Variants in TM7SF3 observed in about 807,000 individuals in gnomAD.
TM7SF3 encodes the protein seven span transmembrane protein.
In TM7SF3, 60 loss-of-function variants were observed where a neutral mutation model predicts 65.5. That is an observed-to-expected ratio of 0.92 (90% CI 0.74 to 1.14). The LOEUF (loss-of-function observed/expected upper bound fraction) is 1.14. Ranked by LOEUF, TM7SF3 falls within the 50% of genes most tolerant of loss-of-function variation. TM7SF3 has a pLI of 0.00. For missense variants in TM7SF3, 623 were observed against 684.8 expected (o/e 0.91, Z 1.01); for synonymous variants, 264 against 259.6 (o/e 1.02, Z -0.16).
intron 1 of TM7SF3, among the ~76,000 whole-genome samples, chr12:27,004,270 T>C (rs892307931): frequency 6.6e-5 from 10 of 152,120 alleles, no homozygotes; most frequent in Admixed American, 2.0e-4. Flanking sequence ...CGGTCCTGGA[T>C]TCCTACCCCA....
intron 7 of TM7SF3, among the ~76,000 whole-genome samples, chr12:26,982,066 C>T (rs1939841518): frequency 6.6e-6 from 1 of 151,728 alleles, no homozygotes; most frequent in Non-Finnish European, 1.5e-5. Context: ...CAGGATCTTA[C>T]TCTGTCATCC....
intron 2 of TM7SF3, 121 bp downstream of exon 2, chr12:27,003,115 A>G: frequency 1.3e-6 from 1 of 742,440 alleles, no homozygotes; most frequent in Admixed American, 3.2e-5. Flanking sequence ...ATTTTTTAAA[A>G]TTTAAGACAT....
intron 10 of TM7SF3, 80 bp downstream of exon 10, chr12:26,976,180 T>C (rs1021403074): frequency 2.7e-6 from 3 of 1,112,514 alleles, no homozygotes; most frequent in Non-Finnish European, 4.1e-6. Flanking sequence ...GAATAAAACA[T>C]GCAAAATGAT....
At chr12:27,000,502 C>T (rs1392798359) in intron 2 of TM7SF3, among the ~76,000 whole-genome samples, 1 of 152,114 alleles carries the variant, frequency 6.6e-6, no homozygotes, top group African/African-American at 2.4e-5. Flanking sequence ...CTCTGTCACC[C>T]AGGCTAGAGT....
intron 6 of TM7SF3, chr12:26,983,344 T>G: frequency 3.1e-6 from 1 of 323,942 alleles, no homozygotes; most frequent in South Asian, 2.6e-5. Context: ...TCAAACAAAC[T>G]GTGGAAAACA....
chr12:26,998,462 C>A (rs1020424109), intron 3 of TM7SF3, among the ~76,000 whole-genome samples: 2 of 152,178 alleles, frequency 1.3e-5, no homozygotes, highest in Admixed American at 6.5e-5. Flanking sequence ...AAACTGAAGT[C>A]ATCACCTACT....
At chr12:26,997,968 G>A (rs969869182) in intron 3 of TM7SF3, among the ~76,000 whole-genome samples, 3 of 151,730 alleles carry the variant, frequency 2.0e-5, no homozygotes, top group African/African-American at 7.3e-5. Context: ...TGGGATTGTA[G>A]GCACCTGCCA....
chr12:27,009,691 C>T (rs1941174361), intron 1 of TM7SF3, among the ~76,000 whole-genome samples: 1 of 152,148 alleles, frequency 6.6e-6, no homozygotes, highest in South Asian at 2.1e-4. Context: ...AACCACAGCA[C>T]CCGACCCTGC....
At chr12:27,011,375 G>A (rs910118056) in intron 1 of TM7SF3, among the ~76,000 whole-genome samples, 3 of 152,140 alleles carry the variant, frequency 2.0e-5, no homozygotes, top group Admixed American at 6.6e-5. Flanking sequence ...CAGTGAACTG[G>A]GACTCCAAGA....
chr12:26,976,939 C>T (rs1229955341), intron 9 of TM7SF3, among the ~76,000 whole-genome samples: 1 of 152,200 alleles, frequency 6.6e-6, no homozygotes, highest in Non-Finnish European at 1.5e-5. Context: ...TCTTCCCAAA[C>T]CCTTCTCCTG....
chr12:27,002,857 T>C (rs1161352154), intron 2 of TM7SF3, among the ~76,000 whole-genome samples: 2 of 152,216 alleles, frequency 1.3e-5, no homozygotes, highest in Non-Finnish European at 2.9e-5. Flanking sequence ...TTCAATACTA[T>C]AGCTAAACAA....
intron 5 of TM7SF3, among the ~76,000 whole-genome samples, chr12:26,992,390 T>G (rs1039600180): frequency 6.6e-6 from 1 of 152,128 alleles, no homozygotes; most frequent in Non-Finnish European, 1.5e-5. Flanking sequence ...GCCATTCTCC[T>G]GCCTCAGCCT....
At chr12:26,979,761 A>G (rs1939728853) in intron 9 of TM7SF3, 23 bp downstream of exon 9, 1 of 1,612,490 alleles carries the variant, frequency 6.2e-7, no homozygotes. Flanking sequence ...GAACACACAA[A>G]ACATCTGTTA....
intron 2 of TM7SF3, among the ~76,000 whole-genome samples, chr12:27,000,900 C>G (rs530256067): frequency 6.6e-6 from 1 of 152,042 alleles, no homozygotes; most frequent in South Asian, 2.1e-4. Flanking sequence ...TACCATCCCC[C>G]ACTCCCATCT....
intron 1 of TM7SF3, among the ~76,000 whole-genome samples, chr12:27,007,998 A>T (rs1037814205): frequency 1.3e-5 from 2 of 152,160 alleles, no homozygotes; most frequent in Non-Finnish European, 2.9e-5. Context: ...TCTGGTTTAG[A>T]GTTATAAATA....
At chr12:26,996,886 C>T in intron 3 of TM7SF3, 24 bp from the exon 4 acceptor site, 2 of 1,590,240 alleles carry the variant, frequency 1.3e-6, no homozygotes, top group Non-Finnish European at 1.7e-6. Context: ...AGGGAAGTTA[C>T]TAAACAAACA....
At position 26,973,175 on chromosome 12, in the gene TM7SF3, G is replaced by GTT. The variant is rs5797207; in HGVS notation, c.*788_*789dup. 461 of 144,306 alleles carry GTT rather than the reference G, an allele frequency of 3.2e-3. 2 individuals are homozygous for GTT. The highest frequency in any genetic ancestry group is 0.016 in the East Asian group (79 of 5,002). 8.9% of individuals were successfully genotyped at this position (144,306 alleles called of 1,614,324 possible). A position where few individuals can be genotyped will look rare whatever the true frequency, so the allele number is the denominator to read the frequency against. On this transcript the variant is annotated 3_prime_UTR_variant, in exon 12 of 12. Coordinates refer to ENST00000343028, the MANE Select transcript of TM7SF3 (RefSeq NM_016551.3). ...CAGACTGCTTTTAGTAAGAAAATAA[G>GTT]TTTTTTTTTTTTTTAATTTCTCGAG...
intron 6 of TM7SF3, among the ~76,000 whole-genome samples, chr12:26,986,336 G>A (rs760214974): frequency 6.6e-6 from 1 of 152,090 alleles, no homozygotes; most frequent in Non-Finnish European, 1.5e-5. Flanking sequence ...TCTGTCTTCA[G>A]TAAGAATCCC....
At position 26,999,690 on chromosome 12, in the gene TM7SF3, G is replaced by C; in HGVS notation, c.247-14C>G. On this transcript the variant is annotated splice_polypyrimidine_tract_variant and intron_variant, in intron 2 of 11. Transcript: ENST00000343028. ...GGAAAGGAGAGTCTGCAGTCCAGAA[G>C]AAACATTGTCATGAATAGGAAGTCG... 5 of 1,613,558 alleles carry C rather than the reference G, an allele frequency of 3.1e-6. No homozygotes were observed. Among genetic ancestry groups the C allele is most frequent in the Non-Finnish European group, 4.2e-6 (5 of 1,179,748 alleles).
Sources: allele counts gnomAD v4.1 joint callset (sites outside exome capture counted in the v4.1 genomes callset), GRCh38; gene constraint gnomAD v4.1.1; transcripts MANE v1.5; gene names NCBI Gene and HGNC (gene_info 2026-07-23, HGNC 2026-07-21).